PEPD: variants seen among roughly 807,000 people sequenced by gnomAD.
PEPD encodes xaa-Pro dipeptidase.
PEPD carries 53 observed loss-of-function variants against 60.7 expected under a neutral mutation model. The ratio of observed to expected loss-of-function variants is 0.87; its 90% CI spans 0.70 to 1.10. The LOEUF (loss-of-function observed/expected upper bound fraction) is 1.10. Ranked by LOEUF, PEPD falls within the 50% of genes least tolerant of loss-of-function variation. The probability of loss-of-function intolerance (pLI) is 0.00; values close to 1 mark genes in which losing one functional copy is unlikely to be tolerated. For missense variants in PEPD, 711 were observed against 711.9 expected, an observed-to-expected ratio of 1.00 and a Z score of 0.01; for synonymous variants, 267 against 284.1, an observed-to-expected ratio of 0.94 and a Z score of 0.60.
intron 11 of PEPD, among the ~76,000 whole-genome samples, chr19:33,410,649 G>C (rs190643429): frequency 1.2e-3 from 190 of 152,052 alleles, no homozygotes; most frequent in Admixed American, 1.8e-3. Context: ...CGCCACGCAG[G>C]CCTCAGAGGA....
chr19:33,517,773 T>C (rs1971051348), intron 1 of PEPD, among the ~76,000 whole-genome samples: 1 of 151,640 alleles, frequency 6.6e-6, no homozygotes, highest in South Asian at 2.1e-4. Context: ...GAGACCAGCC[T>C]GGCCAACATA....
chr19:33,413,547 C>T, intron 10 of PEPD, 28 bp downstream of exon 10: 1 of 1,428,850 alleles, frequency 7.0e-7, no homozygotes, highest in East Asian at 2.5e-5. Flanking sequence ...ACTGGTCACC[C>T]CCAGGGGAGC....
chr19:33,485,997 C>T (rs1970391303), intron 6 of PEPD, among the ~76,000 whole-genome samples: 1 of 152,114 alleles, frequency 6.6e-6, no homozygotes. Flanking sequence ...ACAGGCATCC[C>T]TCAGCTCAGG....
chr19:33,430,983 C>G (rs1969259453), intron 9 of PEPD, among the ~76,000 whole-genome samples: 1 of 152,144 alleles, frequency 6.6e-6, no homozygotes, highest in Non-Finnish European at 1.5e-5. Context: ...GCAATCCAGC[C>G]AGGTGCTGTG....
chr19:33,409,165 T>C (rs569148987), intron 11 of PEPD, among the ~76,000 whole-genome samples: 2 of 152,188 alleles, frequency 1.3e-5, no homozygotes, highest in African/African-American at 4.8e-5. Flanking sequence ...AAGAGGGTCA[T>C]AAAGGAGCAG....
intron 9 of PEPD, among the ~76,000 whole-genome samples, chr19:33,416,194 C>T (rs958322526): frequency 1.3e-5 from 2 of 152,308 alleles, no homozygotes; most frequent in African/African-American, 2.4e-5. Context: ...CAGAGCTTGG[C>T]GAGTGGTGCT....
At chr19:33,418,003 C>T (rs534128214) in intron 9 of PEPD, among the ~76,000 whole-genome samples, 5 of 152,318 alleles carry the variant, frequency 3.3e-5, no homozygotes, top group Non-Finnish European at 7.4e-5. Context: ...AGGCTTCTGG[C>T]TGGACAGAGG....
chr19:33,514,166 G>T (rs1970984581), intron 1 of PEPD, among the ~76,000 whole-genome samples: 1 of 152,174 alleles, frequency 6.6e-6, no homozygotes, highest in African/African-American at 2.4e-5. Flanking sequence ...GCAGGGGCAG[G>T]GTGTGCAGGA....
intron 9 of PEPD, among the ~76,000 whole-genome samples, chr19:33,431,992 CAAAAA>C (rs906879187): frequency 1.3e-5 from 1 of 77,882 alleles, no homozygotes; most frequent in African/African-American, 4.7e-5. Context: ...GACACCACCT[CAAAAA>C]AAAAAAAAAA....
intron 9 of PEPD, among the ~76,000 whole-genome samples, chr19:33,423,842 T>C (rs1969087384): frequency 6.6e-6 from 1 of 152,230 alleles, no homozygotes; most frequent in African/African-American, 2.4e-5. Context: ...TTTTTCTTTA[T>C]GGCTTCTTCC....
chr19:33,462,762 C>G (rs796383720), intron 9 of PEPD, among the ~76,000 whole-genome samples: 10 of 152,262 alleles, frequency 6.6e-5, no homozygotes, highest in African/African-American at 2.4e-4. Flanking sequence ...TGGTGGGGCA[C>G]TAAACCACCC....
chr19:33,456,400 G>A (rs1969801762), intron 9 of PEPD, among the ~76,000 whole-genome samples: 1 of 152,174 alleles, frequency 6.6e-6, no homozygotes, highest in Non-Finnish European at 1.5e-5. Context: ...CAGCCAGGGT[G>A]CAGGACTCAA....
At chr19:33,504,512 C>G (rs933862354) in intron 3 of PEPD, among the ~76,000 whole-genome samples, 2 of 152,320 alleles carry the variant, frequency 1.3e-5, no homozygotes, top group Admixed American at 1.3e-4. Context: ...GCCTGTAATC[C>G]CAGCACTTTG....
chr19:33,512,350 G>A (rs985609741), intron 2 of PEPD, among the ~76,000 whole-genome samples: 8 of 152,152 alleles, frequency 5.3e-5, no homozygotes, highest in Non-Finnish European at 5.9e-5. Flanking sequence ...ACTGAGTGCT[G>A]CCAGTGACTC....
Position 33,513,025 on chromosome 19 carries a change from C to G in PEPD, c.18-249G>C, listed in dbSNP as rs112548346. The stretch of plus-strand genomic sequence containing the variant: ...TGACTCCACCCCCCTGCTCCTCTGC[C>G]CCCCAACCAACTGCACAGCAGGCCA... On this transcript the variant is annotated intron_variant, in intron 1 of 14. Coordinates refer to ENST00000244137, the MANE Select transcript of PEPD (RefSeq NM_000285.4). Among the ~76,000 whole-genome samples the G allele has an allele frequency of 1.5e-3, 232 of 151,564 alleles. 2 individuals are homozygous for G. Among genetic ancestry groups the G allele is most frequent in the African/African-American group, 4.8e-3 (198 of 41,348 alleles).
chr19:33,470,062 C>T (rs996878533), intron 7 of PEPD, among the ~76,000 whole-genome samples: 3 of 151,968 alleles, frequency 2.0e-5, no homozygotes, highest in Admixed American at 6.6e-5. Flanking sequence ...AGCAGAGACC[C>T]GGGCGTCATC....
chr19:33,401,689 G>A, intron 12 of PEPD, 32 bp downstream of exon 12: 1 of 1,592,782 alleles, frequency 6.3e-7, no homozygotes, highest in Non-Finnish European at 8.5e-7. Context: ...CGCCACGTCA[G>A]ATGCGCCTCC....
intron 6 of PEPD, chr19:33,487,523 G>A: frequency 6.6e-6 from 1 of 152,404 alleles, no homozygotes. Context: ...GCTGCGCATT[G>A]CAACAGCCAA....
intron 6 of PEPD, among the ~76,000 whole-genome samples, chr19:33,482,345 T>C (rs180807754): frequency 2.0e-5 from 3 of 152,266 alleles, no homozygotes; most frequent in East Asian, 1.9e-4. Context: ...AATAAAACCA[T>C]ATGCTTGTAT....
Sources: gnomAD v4.1 joint callset for allele counts (sites outside exome capture counted in the v4.1 genomes callset) on GRCh38, gnomAD v4.1.1 for gene constraint, MANE v1.5 for transcripts, NCBI Gene and HGNC (gene_info 2026-07-23, HGNC 2026-07-21) for gene names.